The following RBM19 variants were observed in gnomAD, a reference collection of about 807,000 sequenced individuals.
RBM19 encodes probable RNA-binding protein 19.
RBM19 carries 94 observed loss-of-function variants against 116.8 expected under a neutral mutation model. That is an observed-to-expected ratio of 0.80 (90% CI 0.68 to 0.95). The LOEUF (loss-of-function observed/expected upper bound fraction) is 0.95, where lower values mean the gene tolerates loss of function less well. Among genes scored for constraint, RBM19 ranks in the 40% least tolerant of loss-of-function variants. The probability of loss-of-function intolerance (pLI) is 0.00; values close to 1 mark genes in which losing one functional copy is unlikely to be tolerated. For missense variants in RBM19, 1,161 were observed against 1,220.7 expected, an observed-to-expected ratio of 0.95 and a Z score of 0.73; for synonymous variants, 475 against 494.1, an observed-to-expected ratio of 0.96 and a Z score of 0.51.
chr12:113,876,153 A>T (rs1204502770), intron 21 of RBM19, among the ~76,000 whole-genome samples: 1 of 152,262 alleles, frequency 6.6e-6, no homozygotes, highest in Admixed American at 6.5e-5. Flanking sequence ...CGCATTAAAC[A>T]GAAATTCTGT....
At chr12:113,848,851 C>A (rs1408693108) in intron 22 of RBM19, among the ~76,000 whole-genome samples, 1 of 152,208 alleles carries the variant, frequency 6.6e-6, no homozygotes, top group Admixed American at 6.5e-5. Context: ...TTGTTCCTCT[C>A]CAAGTCTGGC....
chr12:113,861,344 G>A (rs1410678768), intron 21 of RBM19, among the ~76,000 whole-genome samples: 1 of 152,162 alleles, frequency 6.6e-6, no homozygotes, highest in East Asian at 1.9e-4. Context: ...GGCAAGGTGG[G>A]GGTAGACCGA....
intron 21 of RBM19, among the ~76,000 whole-genome samples, chr12:113,876,258 C>A (rs1048230454): frequency 3.3e-5 from 5 of 152,074 alleles, no homozygotes; most frequent in African/African-American, 1.2e-4. Flanking sequence ...TGGCTGCCAC[C>A]CACACTGGGA....
At chr12:113,835,374 A>G (rs1875785014) in intron 23 of RBM19, among the ~76,000 whole-genome samples, 1 of 152,214 alleles carries the variant, frequency 6.6e-6, no homozygotes, top group South Asian at 2.1e-4. Flanking sequence ...CGCAAAGGAT[A>G]AAGTGTCACA....
At chr12:113,823,580 G>A (rs1327932598) in intron 23 of RBM19, among the ~76,000 whole-genome samples, 1 of 152,046 alleles carries the variant, frequency 6.6e-6, no homozygotes, top group Non-Finnish European at 1.5e-5. Context: ...GGGGAAATGA[G>A]GAGGAGAGAG....
rs369339749 is a variant in RBM19, at chr12:113,939,749, C to CAA, written c.1938+209_1938+210dup. On this transcript the variant is annotated intron_variant, in intron 15 of 23. Transcript: ENST00000261741. ...TGGGTGACAGAGCAAGACTCTGTCT[C>CAA]AAAAAAAAAAAAGAACTTCCGTCTC... 4.3e-4 allele frequency among the ~76,000 whole-genome samples: 60 copies of CAA among 140,386 alleles called. 1 individual carries two copies. The highest frequency in any genetic ancestry group is 1.0e-3 in the African/African-American group (39 of 38,504). 92.1% of individuals were successfully genotyped at this position (140,386 alleles called of 152,430 possible).
chr12:113,837,280 T>TACACACACAC, intron 23 of RBM19, among the ~76,000 whole-genome samples: 1 of 60,880 alleles, frequency 1.6e-5, no homozygotes, highest in East Asian at 8.2e-4. Context: ...CACACACACG[T>TACACACACAC]GTGCTACTGC....
intron 21 of RBM19, among the ~76,000 whole-genome samples, chr12:113,893,455 C>T (rs773332516): frequency 6.6e-6 from 1 of 152,172 alleles, no homozygotes; most frequent in Non-Finnish European, 1.5e-5. Flanking sequence ...TTGCTTTCTT[C>T]CCTTGATTGC....
intron 13 of RBM19, among the ~76,000 whole-genome samples, chr12:113,944,243 A>C (rs1317626131): frequency 1.3e-5 from 2 of 151,668 alleles, no homozygotes; most frequent in Admixed American, 1.3e-4. Flanking sequence ...GATTACAGGC[A>C]TGCACCACCA....
intron 22 of RBM19, among the ~76,000 whole-genome samples, chr12:113,855,513 C>A (rs981923868): frequency 6.6e-6 from 1 of 152,184 alleles, no homozygotes; most frequent in African/African-American, 2.4e-5. Context: ...TCGAGGGTGC[C>A]ATGACAGGAA....
chr12:113,914,064 A>T (rs1253806458), intron 21 of RBM19, among the ~76,000 whole-genome samples: 2 of 152,250 alleles, frequency 1.3e-5, no homozygotes, highest in African/African-American at 4.8e-5. Flanking sequence ...CTGAAAAGCC[A>T]AACACTGTAA....
At chr12:113,953,513 A>G (rs1871651025) in intron 7 of RBM19, among the ~76,000 whole-genome samples, 2 of 152,314 alleles carry the variant, frequency 1.3e-5, no homozygotes, top group African/African-American at 4.8e-5. Context: ...AACAAGATAT[A>G]CACGATCTAC....
intron 22 of RBM19, among the ~76,000 whole-genome samples, chr12:113,845,101 G>C (rs1876842514): frequency 6.6e-6 from 1 of 152,188 alleles, no homozygotes; most frequent in African/African-American, 2.4e-5. Context: ...GACCCCATTA[G>C]TGGGCTCGCC....
At chr12:113,872,470 G>C (rs1879308267) in intron 21 of RBM19, among the ~76,000 whole-genome samples, 1 of 142,840 alleles carries the variant, frequency 7.0e-6, no homozygotes, top group African/African-American at 2.5e-5. Context: ...GCCCCTACTG[G>C]GAGGTGGGGA....
chr12:113,902,811 G>A (rs1881787102), intron 21 of RBM19, among the ~76,000 whole-genome samples: 1 of 152,122 alleles, frequency 6.6e-6, no homozygotes, highest in East Asian at 1.9e-4. Context: ...AGACATTTGG[G>A]TTGTTTCCAA....
chr12:113,891,843 G>A (rs946709165), intron 21 of RBM19, among the ~76,000 whole-genome samples: 1 of 152,184 alleles, frequency 6.6e-6, no homozygotes, highest in African/African-American at 2.4e-5. Context: ...CCCACGAAGT[G>A]TAATCACACT....
At chr12:113,865,947 G>A (rs1878773267) in intron 21 of RBM19, among the ~76,000 whole-genome samples, 2 of 152,164 alleles carry the variant, frequency 1.3e-5, no homozygotes, top group African/African-American at 4.8e-5. Flanking sequence ...CTCCTTCACA[G>A]GCAACCCTGG....
intron 20 of RBM19, among the ~76,000 whole-genome samples, chr12:113,916,617 C>A (rs978802155): frequency 5.3e-5 from 8 of 152,162 alleles, no homozygotes; most frequent in African/African-American, 1.7e-4. Flanking sequence ...GACATTGTGG[C>A]CTCCTTCTTC....
chr12:113,901,947 T>C (rs999363225), intron 21 of RBM19, among the ~76,000 whole-genome samples: 3 of 152,230 alleles, frequency 2.0e-5, no homozygotes, highest in African/African-American at 7.2e-5. Context: ...ATATTCACTT[T>C]TAAAAAACCT....
Sources: allele counts gnomAD v4.1 joint callset (sites outside exome capture counted in the v4.1 genomes callset), GRCh38; gene constraint gnomAD v4.1.1; transcripts MANE v1.5; gene names NCBI Gene and HGNC (gene_info 2026-07-23, HGNC 2026-07-21).